The following USP54 variants were observed in gnomAD, a reference collection of about 807,000 sequenced individuals.
USP54 encodes ubiquitin carboxyl-terminal hydrolase 54.
In USP54, 87 loss-of-function variants were observed where a neutral mutation model predicts 170.5. The observed-to-expected ratio is 0.51, with a 90% CI of 0.43 to 0.61. The LOEUF is 0.61. USP54 is among the 20% of genes least tolerant of loss of function. The probability of loss-of-function intolerance (pLI) is 0.00; values close to 1 mark genes in which losing one functional copy is unlikely to be tolerated. For synonymous variants in USP54, 655 were observed against 742.8 expected, an observed-to-expected ratio of 0.88 and a Z score of 1.92; for missense variants, 1,786 against 2,047.8, an observed-to-expected ratio of 0.87 and a Z score of 2.47.
upstream of USP54, among the ~76,000 whole-genome samples, chr10:73,596,330 G>A (rs1027196127): frequency 2.0e-5 from 3 of 151,982 alleles, no homozygotes; most frequent in African/African-American, 7.3e-5. Flanking sequence ...GGCCGAGGCG[G>A]GCAGATCACA....
chr10:73,573,672 G>T (rs2075636868), intron 3 of USP54, among the ~76,000 whole-genome samples: 1 of 152,186 alleles, frequency 6.6e-6, no homozygotes, highest in South Asian at 2.1e-4. Context: ...GGCTAAGGCA[G>T]GAGAATCGCT....
intron 15 of USP54, among the ~76,000 whole-genome samples, chr10:73,528,224 G>A (rs748190254): frequency 2.4e-4 from 36 of 151,458 alleles, no homozygotes; most frequent in African/African-American, 7.8e-4. Flanking sequence ...ATGAGCCACC[G>A]CGCCTGGCCC....
At chr10:73,600,339 G>C (rs898061981) in intron 1 of USP54, among the ~76,000 whole-genome samples, 19 of 152,098 alleles carry the variant, frequency 1.2e-4, no homozygotes, top group African/African-American at 4.6e-4. Flanking sequence ...GAAGGGAAGT[G>C]GGGGTAGCTA....
intron 12 of USP54, among the ~76,000 whole-genome samples, 186 bp from the exon 13 acceptor site, chr10:73,531,021 G>A (rs2133403173): frequency 6.6e-6 from 1 of 152,238 alleles, no homozygotes; most frequent in East Asian, 1.9e-4. Flanking sequence ...AGAAGGGCCA[G>A]GTGCAGTGAC....
chr10:73,609,775 C>T (rs1407572170), intron 1 of USP54, among the ~76,000 whole-genome samples: 4 of 149,982 alleles, frequency 2.7e-5, no homozygotes, highest in Admixed American at 2.0e-4. Flanking sequence ...GCCTGGGAAG[C>T]GGAGGTTGCA....
Position 73,551,663 on chromosome 10 carries a change from AT to A in USP54, c.241-5992del, listed in dbSNP as rs1183262154. On this transcript the variant is annotated intron_variant, in intron 4 of 23. Transcript: ENST00000687698. ...GGCAAAATTTAGTGACCACTATTAC[AT>A]CCCAGCCTGTTGCTCTTCTCAATTG... Among the ~76,000 whole-genome samples, 4 of 152,346 alleles carry A rather than the reference AT, an allele frequency of 2.6e-5. No individual in the cohort carries two copies. The East Asian group carries it at 7.7e-4, about 29-fold the overall frequency.
At chr10:73,536,877 GAC>G (rs2065318084) in intron 10 of USP54, among the ~76,000 whole-genome samples, 1 of 152,214 alleles carries the variant, frequency 6.6e-6, no homozygotes, top group South Asian at 2.1e-4. Flanking sequence ...CTGAAGAGCA[GAC>G]AGAAACTCTT....
chr10:73,602,224 C>T (rs1310464814), intron 1 of USP54, among the ~76,000 whole-genome samples: 2 of 152,086 alleles, frequency 1.3e-5, no homozygotes, highest in African/African-American at 2.4e-5. Context: ...TACAGTAATC[C>T]TAATACAGAG....
chr10:73,512,773 T>C (rs1314017760), intron 20 of USP54, among the ~76,000 whole-genome samples: 1 of 152,218 alleles, frequency 6.6e-6, no homozygotes, highest in East Asian at 1.9e-4. Flanking sequence ...AAAAAATTAA[T>C]GGTCAGTAAG....
chr10:73,556,366 C>G (rs1257084637), intron 4 of USP54, among the ~76,000 whole-genome samples: 1 of 134,014 alleles, frequency 7.5e-6, no homozygotes, highest in Non-Finnish European at 1.6e-5. Context: ...TTTTTTGAGA[C>G]AGAGTCTCCC....
intron 1 of USP54, among the ~76,000 whole-genome samples, chr10:73,604,268 C>T (rs897660906): frequency 2.6e-5 from 4 of 151,934 alleles, no homozygotes; most frequent in Admixed American, 1.3e-4. Context: ...AACAAAACCA[C>T]ACACAAAACA....
rs74567174 is a variant in USP54 at position 73,539,385 on chromosome 10, T to C, written c.975+59A>G. On this transcript the variant is annotated intron_variant, in intron 10 of 23. Coordinates refer to ENST00000687698, the MANE Select transcript of USP54 (RefSeq NM_001391956.1). ...ATGAAAATGAAACACTAAAGACAAA[T>C]GATTATTCTTTTTTTTTGTAGTCAC... 4.6e-3 allele frequency: 6,617 copies of C among 1,425,132 alleles called. 205 individuals carry two copies. The African/African-American group carries it at 0.074, about 16-fold the overall frequency. The allele number at this position is 1,425,132 out of a possible 1,614,324, so 88.3% of individuals were successfully genotyped here.
intron 1 of USP54, among the ~76,000 whole-genome samples, chr10:73,602,004 A>G (rs1415531391): frequency 3.9e-5 from 6 of 152,204 alleles, no homozygotes; most frequent in Non-Finnish European, 8.8e-5. Flanking sequence ...CCTTCTTTCA[A>G]AACTCACAAC....
At chr10:73,595,074 C>T (rs1252281919), upstream of USP54, among the ~76,000 whole-genome samples, 1 of 151,972 alleles carries the variant, frequency 6.6e-6, no homozygotes, top group Admixed American at 6.6e-5. Context: ...TACAGGTGCA[C>T]ACCACCACAC....
chr10:73,509,923 C>T (rs919498142), intron 20 of USP54, among the ~76,000 whole-genome samples: 1 of 151,862 alleles, frequency 6.6e-6, no homozygotes, highest in Non-Finnish European at 1.5e-5. Context: ...AGTGGGAGGA[C>T]CTCAGCAGTG....
intron 20 of USP54, among the ~76,000 whole-genome samples, chr10:73,510,323 A>G (rs1030283834): frequency 8.5e-5 from 13 of 152,294 alleles, no homozygotes; most frequent in Middle Eastern, 3.4e-3. Flanking sequence ...AGATAGAACG[A>G]GACCTCGTCT....
intron 4 of USP54, among the ~76,000 whole-genome samples, chr10:73,562,282 C>A (rs1372674421): frequency 6.6e-6 from 1 of 151,812 alleles, no homozygotes; most frequent in African/African-American, 2.4e-5. Context: ...ACATACATAG[C>A]CAAAGAATAA....
chr10:73,612,175 T>C (rs942953022), intron 1 of USP54, among the ~76,000 whole-genome samples: 1 of 152,204 alleles, frequency 6.6e-6, no homozygotes, highest in Non-Finnish European at 1.5e-5. Flanking sequence ...AAATATCAGA[T>C]AGTTATTATT....
At chr10:73,569,914 A>C (rs1233841224) in intron 4 of USP54, among the ~76,000 whole-genome samples, 11 of 125,974 alleles carry the variant, frequency 8.7e-5, no homozygotes, top group African/African-American at 3.0e-4. Context: ...AAAAAAAAAA[A>C]AAAAAAAAAA....
Sources: allele counts gnomAD v4.1 joint callset (sites outside exome capture counted in the v4.1 genomes callset), GRCh38; gene constraint gnomAD v4.1.1; transcripts MANE v1.5; gene names NCBI Gene and HGNC (gene_info 2026-07-23, HGNC 2026-07-21).